The following DGKB variants were observed in gnomAD, a reference collection of about 807,000 sequenced individuals.
DGKB encodes 90 kDa diacylglycerol kinase.
DGKB carries 67 observed loss-of-function variants against 114.3 expected under a neutral mutation model. The ratio of observed to expected loss-of-function variants is 0.59; its 90% confidence interval spans 0.48 to 0.72. DGKB has a LOEUF of 0.72. Ranked by LOEUF, DGKB falls within the 30% of genes least tolerant of loss-of-function variation. The pLI is 0.00. For synonymous variants in DGKB, 398 were observed against 323.1 expected (o/e 1.23, Z -2.49); for missense variants, 907 against 975.2 (o/e 0.93, Z 0.93).
At chr7:14,752,151 A>G (rs1389570845) in intron 4 of DGKB, among the ~76,000 whole-genome samples, 11 of 152,136 alleles carry the variant, frequency 7.2e-5, no homozygotes, top group Admixed American at 7.2e-4. Flanking sequence ...TACTTTCCTT[A>G]TCCTTTCCAT....
intron 23 of DGKB, among the ~76,000 whole-genome samples, chr7:14,336,387 A>C (rs1810670575): frequency 6.6e-6 from 1 of 152,180 alleles, no homozygotes; most frequent in Admixed American, 6.5e-5. Flanking sequence ...TCAAAACTAT[A>C]AGCTAGTCAG....
intron 1 of DGKB, among the ~76,000 whole-genome samples, chr7:14,965,397 C>T (rs1455925993): frequency 1.3e-5 from 2 of 151,938 alleles, no homozygotes; most frequent in Non-Finnish European, 2.9e-5. Context: ...GAACTCAGAG[C>T]ATATTTTTAT....
intron 2 of DGKB, among the ~76,000 whole-genome samples, chr7:14,786,792 G>T (rs951865825): frequency 5.9e-5 from 9 of 152,232 alleles, no homozygotes; most frequent in African/African-American, 2.2e-4. Flanking sequence ...CAATGAGCAC[G>T]GCAGGGAAGC....
chr7:14,748,756 TG>T (rs1414961580), intron 4 of DGKB, among the ~76,000 whole-genome samples: 4 of 152,220 alleles, frequency 2.6e-5, no homozygotes, highest in Admixed American at 2.0e-4. Flanking sequence ...AACACTTATT[TG>T]TATCAGACAA....
At chr7:14,267,397 A>G (rs767505707) in intron 23 of DGKB, among the ~76,000 whole-genome samples, 4 of 152,158 alleles carry the variant, frequency 2.6e-5, no homozygotes, top group Non-Finnish European at 4.4e-5. Context: ...TGATCTTGTC[A>G]TGCCACGTAG....
intron 2 of DGKB, among the ~76,000 whole-genome samples, chr7:14,769,339 G>A (rs929918936): frequency 6.6e-6 from 1 of 151,958 alleles, no homozygotes; most frequent in Non-Finnish European, 1.5e-5. Flanking sequence ...GAGATTTATA[G>A]TCCATGCAAC....
chr7:14,346,844 A>T (rs1196090982), intron 21 of DGKB, among the ~76,000 whole-genome samples: 1 of 152,000 alleles, frequency 6.6e-6, no homozygotes, highest in Admixed American at 6.6e-5. Context: ...ACAGATGGAG[A>T]GAAAAATATT....
chr7:14,241,809 TATAAC>T (rs1310782461), intron 23 of DGKB, among the ~76,000 whole-genome samples: 1 of 151,990 alleles, frequency 6.6e-6, no homozygotes, highest in Non-Finnish European at 1.5e-5. Flanking sequence ...TTACTAACAT[TATAAC>T]ATGACTGAAA....
intron 7 of DGKB, among the ~76,000 whole-genome samples, chr7:14,700,992 C>G (rs1007012863): frequency 2.0e-5 from 3 of 152,086 alleles, no homozygotes; most frequent in Non-Finnish European, 4.4e-5. Context: ...TGGTACTGAT[C>G]TGTGCACTAA....
intron 13 of DGKB, among the ~76,000 whole-genome samples, chr7:14,636,537 T>A (rs1585241569): frequency 6.6e-6 from 1 of 151,850 alleles, no homozygotes; most frequent in African/African-American, 2.4e-5. Flanking sequence ...GTTATATACA[T>A]CCAGTGTACT....
intron 21 of DGKB, among the ~76,000 whole-genome samples, chr7:14,477,692 A>C (rs1782389252): frequency 6.6e-6 from 1 of 152,162 alleles, no homozygotes; most frequent in African/African-American, 2.4e-5. Context: ...CTCTAAAAAT[A>C]ATTTATATTG....
chr7:14,385,770 A>T (rs975620239), intron 21 of DGKB, among the ~76,000 whole-genome samples: 2 of 152,234 alleles, frequency 1.3e-5, no homozygotes, highest in Non-Finnish European at 2.9e-5. Flanking sequence ...TCTCTTTATT[A>T]TCACATTAAA....
chr7:14,203,794 G>C (rs1786300183), intron 23 of DGKB, among the ~76,000 whole-genome samples: 1 of 151,942 alleles, frequency 6.6e-6, no homozygotes, highest in African/African-American at 2.4e-5. Context: ...CCTCATCTCT[G>C]TTCCATGAGA....
intron 23 of DGKB, among the ~76,000 whole-genome samples, chr7:14,266,442 C>T (rs1437113442): frequency 1.3e-5 from 2 of 152,156 alleles, no homozygotes; most frequent in Non-Finnish European, 2.9e-5. Flanking sequence ...CTTACTGCTG[C>T]AGCTGTATGT....
chr7:14,211,126 C>G (rs375940868), intron 23 of DGKB, among the ~76,000 whole-genome samples: 1 of 152,030 alleles, frequency 6.6e-6, no homozygotes, highest in Admixed American at 6.6e-5. Context: ...AAATCTGGCT[C>G]CTTTCCTCAA....
In DGKB at chr7:14,250,222, G is replaced by C. The variant is rs377598540; in HGVS notation, c.2123-72071C>G. Among the ~76,000 whole-genome samples the C allele has an allele frequency of 6.0e-5, 9 of 151,252 alleles. No homozygotes were observed. In the East Asian group the frequency reaches 7.8e-4, roughly 13 times the overall value. ...GGGCTCAAGCAATCTGCCTGCCTTA[G>C]CCTCCCAAAGTGCTGGGATTACAGA... On this transcript the variant is annotated intron_variant, in intron 23 of 25. Transcript: ENST00000402815.
chr7:14,793,325 T>A (rs145375916), intron 2 of DGKB, among the ~76,000 whole-genome samples: 80 of 152,242 alleles, frequency 5.3e-4, no homozygotes, highest in African/African-American at 1.7e-3. Context: ...CCTGCCTGAT[T>A]GGGTCATGCA....
intron 21 of DGKB, among the ~76,000 whole-genome samples, chr7:14,389,099 T>G (rs1250399132): frequency 6.6e-6 from 1 of 152,198 alleles, no homozygotes; most frequent in Non-Finnish European, 1.5e-5. Flanking sequence ...TATCACTGAT[T>G]TAAGAGTTGA....
At chr7:14,693,978 A>C (rs1291028150) in intron 9 of DGKB, 97 bp downstream of exon 9, 7 of 1,398,834 alleles carry the variant, frequency 5.0e-6, no homozygotes, top group Non-Finnish European at 9.6e-7. Context: ...TGCATGCTTA[A>C]TGGTAGAAAA....
Sources: gnomAD v4.1 joint callset for allele counts (sites outside exome capture counted in the v4.1 genomes callset) on GRCh38, gnomAD v4.1.1 for gene constraint, MANE v1.5 for transcripts, NCBI Gene and HGNC (gene_info 2026-07-23, HGNC 2026-07-21) for gene names.